Variants in GRK5 observed in about 807,000 individuals in gnomAD.
GRK5 encodes the protein g protein-coupled receptor kinase GRK5.
A neutral mutation model predicts 78.4 loss-of-function variants in GRK5; 40 were observed. The observed-to-expected ratio is 0.51, with a 90% CI of 0.40 to 0.66. The LOEUF is 0.66. GRK5 is among the 30% of genes least tolerant of loss of function. The probability of loss-of-function intolerance (pLI) is 0.00; values close to 1 mark genes in which losing one functional copy is unlikely to be tolerated. For synonymous variants in GRK5, 289 were observed against 296.8 expected (o/e 0.97, Z 0.27); for missense variants, 598 against 759.9 (o/e 0.79, Z 2.50).
intron 12 of GRK5, 43 bp downstream of exon 12, chr10:119,443,795 C>G: frequency 6.6e-7 from 1 of 1,511,220 alleles, no homozygotes; most frequent in Non-Finnish European, 9.0e-7. Flanking sequence ...GCTGGTGGCT[C>G]CCCTCCCTGG....
chr10:119,452,768 A>G lies in GRK5; in HGVS notation c.1502A>G (p.Lys501Arg). 3 of 1,469,222 alleles carry G rather than the reference A, an allele frequency of 2.0e-6. No homozygotes were observed. Among genetic ancestry groups the G allele is most frequent in the African/African-American group, 1.4e-5 (1 of 69,850 alleles). The allele number at this position is 1,469,222 out of a possible 1,614,324, so 91.0% of individuals were successfully genotyped here. ...CACACAGACGACGACTTCTACTCCA[A>G]GTTCTCCACGGGCTCTGTGTCCATC... ...LDHTDDDFYS[K>R]FSTGSVSIPW... The change falls in exon 14 of 16, where the codon AAG becomes AGG. Residue 501 changes from lysine (K) to arginine (R), a missense_variant. Transcript: ENST00000392870. The surrounding 1 kb of genome is among the most constrained non-coding windows in gnomAD (Gnocchi z 4.4).
chr10:119,442,611 C>T (rs568348750), intron 11 of GRK5, among the ~76,000 whole-genome samples: 4 of 152,222 alleles, frequency 2.6e-5, no homozygotes, highest in Non-Finnish European at 5.9e-5. Context: ...GCCCTAGAAT[C>T]CCCCGTCCAA....
At chr10:119,442,180 C>T (rs1853051439) in intron 11 of GRK5, 92 bp downstream of exon 11, 6 of 978,224 alleles carry the variant, frequency 6.1e-6, no homozygotes, top group Non-Finnish European at 9.7e-6. Context: ...CAGAGCCTCT[C>T]GCCTCTTCAT....
chr10:119,226,196 G>C (rs1179820773), intron 1 of GRK5, among the ~76,000 whole-genome samples: 4 of 151,466 alleles, frequency 2.6e-5, no homozygotes, highest in Admixed American at 6.6e-5. Flanking sequence ...GCCAGTCTGG[G>C]CTCGAACTCC....
rs1273163665 is a variant in GRK5, at chr10:119,207,907, G to A, written c.-11G>A. 6 of 1,596,846 alleles carry A rather than the reference G, an allele frequency of 3.8e-6. No homozygotes were observed. The highest frequency in any genetic ancestry group is 5.1e-6 in the Non-Finnish European group (6 of 1,173,378). ...CCGCCGGCCGGCTCCGTTGCTGACC[G>A]CCGACTGTCAATGGAGCTGGAAAAC... On this transcript the variant is annotated 5_prime_UTR_variant, in exon 1 of 16. Coordinates refer to ENST00000392870, the MANE Select transcript of GRK5 (RefSeq NM_005308.3).
intron 1 of GRK5, among the ~76,000 whole-genome samples, chr10:119,248,985 C>T (rs933967059): frequency 3.3e-5 from 5 of 152,072 alleles, no homozygotes; most frequent in Non-Finnish European, 7.4e-5. Flanking sequence ...AATGGAGATA[C>T]TAGCTGGGCG....
At chr10:119,422,220 G>A (rs1378808255) in intron 4 of GRK5, among the ~76,000 whole-genome samples, 1 of 152,126 alleles carries the variant, frequency 6.6e-6, no homozygotes, top group African/African-American at 2.4e-5. Context: ...GGTAAGGCCT[G>A]CCCTGGGTGG....
intron 1 of GRK5, among the ~76,000 whole-genome samples, chr10:119,289,897 A>G (rs918094569): frequency 2.6e-5 from 4 of 152,146 alleles, no homozygotes; most frequent in African/African-American, 9.7e-5. Context: ...TAAAACTCAC[A>G]CTGTTTTAAA....
chr10:119,332,436 C>T (rs1023398487), intron 2 of GRK5, among the ~76,000 whole-genome samples: 1 of 152,134 alleles, frequency 6.6e-6, no homozygotes, highest in East Asian at 1.9e-4. Flanking sequence ...TTGTCATGAA[C>T]CTGAGTGAGC....
intron 1 of GRK5, among the ~76,000 whole-genome samples, chr10:119,226,441 T>C (rs1848743011): frequency 6.6e-6 from 1 of 151,548 alleles, no homozygotes; most frequent in Non-Finnish European, 1.5e-5. Context: ...GCTTAATTTT[T>C]CTACAGTTGG....
intron 1 of GRK5, among the ~76,000 whole-genome samples, chr10:119,279,599 C>T (rs974704306): frequency 6.6e-6 from 1 of 152,218 alleles, no homozygotes; most frequent in African/African-American, 2.4e-5. Context: ...ATGGTGTGTC[C>T]TTCAAAACGT....
At chr10:119,326,357 G>T (rs1200433856) in intron 1 of GRK5, among the ~76,000 whole-genome samples, 159 bp from the exon 2 acceptor site, 1 of 152,242 alleles carries the variant, frequency 6.6e-6, no homozygotes, top group Non-Finnish European at 1.5e-5. Context: ...GAGGAAGAGT[G>T]TGTGTGTTTG....
intron 1 of GRK5, among the ~76,000 whole-genome samples, chr10:119,231,007 T>TGGG (rs1848819350): frequency 6.7e-6 from 1 of 150,054 alleles, no homozygotes; most frequent in South Asian, 2.1e-4. Flanking sequence ...GGGAGAGGGG[T>TGGG]GGGTTGGAGC....
chr10:119,350,888 G>A (rs746109189), intron 2 of GRK5, among the ~76,000 whole-genome samples: 2 of 152,206 alleles, frequency 1.3e-5, no homozygotes, highest in Non-Finnish European at 2.9e-5. Context: ...ATGGAATTTG[G>A]CTGGGCCTGC....
intron 1 of GRK5, among the ~76,000 whole-genome samples, chr10:119,239,976 C>T (rs1328143451): frequency 1.3e-5 from 2 of 152,138 alleles, no homozygotes; most frequent in Non-Finnish European, 2.9e-5. Context: ...CTGCAATAAA[C>T]ATACGTGTGC....
chr10:119,304,608 T>C (rs531728544), intron 1 of GRK5, among the ~76,000 whole-genome samples: 1 of 152,194 alleles, frequency 6.6e-6, no homozygotes, highest in Non-Finnish European at 1.5e-5. Flanking sequence ...CCTAAGGTCA[T>C]CCACCTAGCG....
chr10:119,387,103 C>T (rs1435328488), intron 3 of GRK5, among the ~76,000 whole-genome samples: 2 of 152,232 alleles, frequency 1.3e-5, no homozygotes, highest in South Asian at 2.1e-4. Flanking sequence ...CTCTTGGGTT[C>T]AAGTGATCCT....
rs566118078 is a variant in GRK5 at position 119,397,762 on chromosome 10, CAGTTGGTAGTGG to C, written c.339+991_339+1002del. On this transcript the variant is annotated intron_variant, in intron 4 of 15. Transcript: ENST00000392870. The stretch of plus-strand genomic sequence containing the variant: ...AGCCCTCGTTCTTCTCCAGCATCAG[CAGTTGGTAGTGG>C]CCATTGCCCTTGCAGGGTGAGACCA... Among the ~76,000 whole-genome samples the C allele has an allele frequency of 1.2e-4, 19 of 152,374 alleles. No homozygotes were observed. The East Asian group carries it at 2.5e-3, about 20-fold the overall frequency.
rs535534275 is a variant in GRK5, at chr10:119,235,876, G to A, written c.52+27907G>A. ...TAGGAGCACCTGGATTCTGCCCCAG[G>A]AGATTCCTGAGGGGCTGGCAGGTAA... On this transcript the variant is annotated intron_variant, in intron 1 of 15. Coordinates refer to ENST00000392870, the MANE Select transcript of GRK5 (RefSeq NM_005308.3). Among the ~76,000 whole-genome samples the A allele has an allele frequency of 4.6e-5, 7 of 152,230 alleles. No homozygotes were observed. The South Asian group carries it at 1.5e-3, about 32-fold the overall frequency.
Sources: allele counts gnomAD v4.1 joint callset (sites outside exome capture counted in the v4.1 genomes callset), GRCh38; gene constraint gnomAD v4.1.1; non-coding constraint Gnocchi (gnomAD v3.1); transcripts MANE v1.5; gene names NCBI Gene and HGNC (gene_info 2026-07-23, HGNC 2026-07-21).